The following TTN variants were observed in gnomAD, a reference collection of about 807,000 sequenced individuals.
TTN encodes titin.
A neutral mutation model predicts 3,223.0 loss-of-function variants in TTN; 1,525 were observed. The ratio of observed to expected loss-of-function variants is 0.47; its 90% CI spans 0.45 to 0.49. TTN has a LOEUF of 0.49. TTN is among the 20% of genes least tolerant of loss of function. The pLI is 0.00. For synonymous variants in TTN, 14,094 were observed against 15,161.0 expected (o/e 0.93, Z 5.17); for missense variants, 40,786 against 43,424.0 (o/e 0.94, Z 5.40).
Position 178,574,724 on chromosome 2 carries a change from G to A in TTN, c.71408C>T (p.Ala23803Val), listed in dbSNP as rs1553611543. 4.3e-6 allele frequency: 7 copies of A among 1,613,232 alleles called. No individual in the cohort carries two copies. Among genetic ancestry groups the A allele is most frequent in the Non-Finnish European group, 5.9e-6 (7 of 1,179,506 alleles). ...TGGTCCAACTCCATATCTATTCTGA[G>A]CTTTTACACGGAACTGATACTCTAA... ...TGLEYQFRVK[A>V]QNRYGVGPGI... Residue 23803 changes from alanine (A) to valine (V), a missense_variant, in exon 326 of 363, where the codon GCT becomes GTT. Ala to Val is a moderately conservative substitution (Grantham distance 64). Coordinates refer to ENST00000589042, the MANE Select transcript of TTN (RefSeq NM_001267550.2).
chr2:178,614,392 T>C (rs768602338), intron 261 of TTN, 44 bp from the exon 262 acceptor site: 4 of 1,569,610 alleles, frequency 2.5e-6, no homozygotes, highest in Non-Finnish European at 3.4e-6. Context: ...TTGTTCACCA[T>C]TTTTTTTATT....
Position 178,739,763 on chromosome 2 carries a change from A to C in TTN, c.13470T>G (p.Ala4490=). Residue 4490 remains alanine (A), a synonymous_variant, in exon 48 of 363, where the codon GCT becomes GCG. Transcript: ENST00000589042. ...CTCCTTGCTGAATTCTAGGACCCTC[A>C]GCTGTTAGGATGTCTATTTCCTCAT... The part of the protein sequence containing the change: ...IIYEEIDILT[A]EGPRIQQGAK... The C allele has an allele frequency of 6.2e-7, 1 of 1,613,860 alleles. No homozygotes were observed. Among genetic ancestry groups the C allele is most frequent in the South Asian group, 1.1e-5 (1 of 91,074 alleles).
In TTN at chr2:178,789,900, C is replaced by T. The variant is rs140814500; in HGVS notation, c.1938+78G>A. 30 of 1,578,504 alleles carry T rather than the reference C, an allele frequency of 1.9e-5. 1 individual carries two copies. The South Asian group carries it at 3.0e-4, about 16-fold the overall frequency. On this transcript the variant is annotated intron_variant, in intron 12 of 362. Transcript: ENST00000589042. ...AAAAGGCAAATACAGATTAATAATT[C>T]ATACCATATTGTAGTTAATAGTTTA...
In TTN at chr2:178,738,063, G is replaced by C. The variant is rs763043483; in HGVS notation, c.14371+19C>G. The stretch of plus-strand genomic sequence containing the variant: ...TATGAAATGAAGTGACAACATCTGT[G>C]CCAATGTATGGCATTTACCTGTCAC... On this transcript the variant is annotated intron_variant, in intron 49 of 362. Coordinates refer to ENST00000589042, the MANE Select transcript of TTN (RefSeq NM_001267550.2). 1 of 1,606,286 alleles carries C rather than the reference G, an allele frequency of 6.2e-7. No individual in the cohort carries two copies. The highest frequency in any genetic ancestry group is 1.1e-5 in the South Asian group (1 of 90,384).
chr2:178,641,440 G>A, intron 219 of TTN, 125 bp from the exon 220 acceptor site: 1 of 551,314 alleles, frequency 1.8e-6, no homozygotes, highest in Non-Finnish European at 3.1e-6. Context: ...CTAGCACTCT[G>A]GAAAGTAAGC....
rs202014478 is a variant in TTN at position 178,672,473 on chromosome 2, C to T, written c.34864G>A (p.Val11622Ile). 6,791 of 1,599,106 alleles carry T rather than the reference C, an allele frequency of 4.2e-3. 12 individuals carry two copies. Among genetic ancestry groups the T allele is most frequent in the Non-Finnish European group, 5.3e-3 (6,260 of 1,175,502 alleles). Residue 11622 changes from valine (V) to isoleucine (I), a missense_variant, in exon 154 of 363, where the codon GTA (valine) becomes ATA (isoleucine). Coordinates refer to ENST00000589042, the MANE Select transcript of TTN (RefSeq NM_001267550.2). ...TTCTTTTCTGGGACTTTCTTTGGTA[C>T]TTCAGGCACTTTAAAGATACAGTTT... ...KEAPPAKVPE[V>I]PKKVPEKKVL...
At position 178,689,037 on chromosome 2, in the gene TTN, T is replaced by G; in HGVS notation, c.32095+16A>C. On this transcript the variant is annotated intron_variant, in intron 125 of 362. Coordinates refer to ENST00000589042, the MANE Select transcript of TTN (RefSeq NM_001267550.2). ...TTTTTTTTTTTTTTTTGTCAGAGGATTGAGGCAAATCCTACCTCGGGGAGG... is the reference window on the plus strand; with the variant it reads ...TTTTTTTTTTTTTTTTGTCAGAGGAGTGAGGCAAATCCTACCTCGGGGAGG... The G allele has an allele frequency of 6.4e-7, 1 of 1,556,662 alleles. No individual in the cohort carries two copies. The highest frequency in any genetic ancestry group is 8.8e-7 in the Non-Finnish European group (1 of 1,132,136).
rs747519810 is a variant in TTN, at chr2:178,589,568, A to G, written c.62157T>C (p.His20719=). The change falls in exon 304 of 363, where the codon CAT becomes CAC. Residue 20719 remains histidine, a synonymous_variant. Transcript: ENST00000589042. ...LKGSDDWERV[H]KGSIKETHYM... is the part of the protein sequence containing the mutation. Reference sequence around the variant, plus strand: ...AGTGAGTTTCTTTAATGCTTCCTTTATGCACTCTTTCCCAGTCATCGGAGC... The same window carrying G: ...AGTGAGTTTCTTTAATGCTTCCTTTGTGCACTCTTTCCCAGTCATCGGAGC... 2 of 1,612,946 alleles carry G rather than the reference A, an allele frequency of 1.2e-6. No homozygotes were observed. Among genetic ancestry groups the G allele is most frequent in the East Asian group, 2.2e-5 (1 of 44,698 alleles).
rs768358201 is a variant in TTN at position 178,531,124 on chromosome 2, C to T, written c.105491G>A (p.Arg35164His). The T allele has an allele frequency of 4.2e-5, 67 of 1,613,856 alleles. No homozygotes were observed. Among genetic ancestry groups the T allele is most frequent in the South Asian group, 7.7e-5 (7 of 91,084 alleles). The part of the protein sequence containing the change: ...GEPVPTVTWL[R>H]KGQVLSTSAR... ...AGAAGTACTTAGCACTTGTCCTTTA[C>T]GCAGCCAGGTCACAGTTGGTACCGG... The change falls in exon 358 of 363, where the codon CGT becomes CAT. Residue 35164 changes from arginine to histidine, a missense_variant. Arg to His is a conservative substitution (Grantham distance 29, BLOSUM62 0). Transcript: ENST00000589042.
At position 178,587,968 on chromosome 2, in the gene TTN, C is replaced by T. The variant is rs72646853; in HGVS notation, c.63439G>A (p.Ala21147Thr). ...ENQEYEFRVC[A>T]QNQVGIGRPA... is the part of the protein sequence containing the mutation. ...CGCCCAATACCAACTTGGTTTTGGG[C>T]ACACACCCTGAACTCATATTCCTGG... The change falls in exon 305 of 363, where the codon GCC (alanine) becomes ACC (threonine). Residue 21147 changes from alanine to threonine, a missense_variant. Physicochemically the swap from Ala to Thr is moderately conservative, Grantham distance 58. Transcript: ENST00000589042. 4.2e-4 allele frequency: 677 copies of T among 1,611,354 alleles called. 9 individuals carry two copies. The highest frequency in any genetic ancestry group is 4.0e-3 in the South Asian group (364 of 90,788).
intron 17 of TTN, 83 bp from the exon 18 acceptor site, chr2:178,783,147 A>T: frequency 1.3e-6 from 2 of 1,523,562 alleles, no homozygotes; most frequent in Non-Finnish European, 1.8e-6. Flanking sequence ...TAGAGTTTGA[A>T]CTTATGCATT....
Position 178,575,045 on chromosome 2 carries a change from C to T in TTN, c.71087G>A (p.Cys23696Tyr). The T allele has an allele frequency of 6.2e-7, 1 of 1,613,460 alleles. No homozygotes were observed. Among genetic ancestry groups the T allele is most frequent in the Non-Finnish European group, 8.5e-7 (1 of 1,179,616 alleles). Residue 23696 changes from cysteine (C) to tyrosine (Y), a missense_variant, in exon 326 of 363, where the codon TGT becomes TAT. Transcript: ENST00000589042. This position sits in a 1 kb window ranked among gnomAD's most constrained non-coding sequence, Gnocchi z 4.0. ...ATSTILNINE[C>Y]VRSDSGPYPL... ...ATAGGGCCCACTATCACTTCTGACA[C>T]ACTCATTGATATTTAAAATGGTTGA... is the stretch of plus-strand genomic sequence containing the variant.
intron 47 of TTN, chr2:178,750,990 T>C (rs2085333446): frequency 6.2e-7 from 1 of 1,612,568 alleles, no homozygotes; most frequent in African/African-American, 1.3e-5. Flanking sequence ...CTTATTTCAG[T>C]CTGGAAAATT....
At position 178,735,665 on chromosome 2, in the gene TTN, T is replaced by G. The variant is rs780599464; in HGVS notation, c.14781A>C (p.Lys4927Asn). Residue 4927 changes from lysine (K) to asparagine (N), a missense_variant, in exon 50 of 363, where the codon AAA (lysine) becomes AAC (asparagine). By Grantham distance (94) the Lys-to-Asn change is moderately conservative (BLOSUM62 0). Coordinates refer to ENST00000589042, the MANE Select transcript of TTN (RefSeq NM_001267550.2). ...VTVTWSKDGQ[K>N]LPPGKDYKIC... ...TCTTATAATCTTTCCCTGGGGGGAG[T>G]TTTTGCCCATCTTTGCTCCACGTAA... 6.2e-7 allele frequency: 1 copy of G among 1,613,704 alleles called. No individual in the cohort carries two copies. Among genetic ancestry groups the G allele is most frequent in the East Asian group, 2.2e-5 (1 of 44,832 alleles).
chr2:178,746,042 C>T (rs1392632317), intron 47 of TTN: 4 of 1,613,312 alleles, frequency 2.5e-6, no homozygotes, highest in African/African-American at 1.3e-5. Context: ...CACAGCTCTG[C>T]ACCTGTATGT....
Position 178,564,253 on chromosome 2 carries a change from A to C in TTN, c.81879T>G (p.Phe27293Leu). The change falls in exon 326 of 363, where the codon TTT becomes TTG. Residue 27293 changes from phenylalanine to leucine, a missense_variant. Transcript: ENST00000589042. ...TGCCACGGATGTCGGCTTCAAGAACAAAAGTCTCTCCTGCATGAACAACGA... is the reference window on the plus strand; with the variant it reads ...TGCCACGGATGTCGGCTTCAAGAACCAAAGTCTCTCCTGCATGAACAACGA... Reference protein sequence around the residue: ...DVIVVHAGETFVLEADIRGKP... With the variant: ...DVIVVHAGETLVLEADIRGKP... 6.2e-7 allele frequency: 1 copy of C among 1,613,340 alleles called. No homozygotes were observed. Among genetic ancestry groups the C allele is most frequent in the South Asian group, 1.1e-5 (1 of 91,080 alleles).
At chr2:178,711,445 A>G (rs1230231035) in intron 96 of TTN, 96 bp from the exon 97 acceptor site, 1 of 1,263,748 alleles carries the variant, frequency 7.9e-7, no homozygotes, top group Non-Finnish European at 1.1e-6. Context: ...TGCAATTTCT[A>G]TTAAAAATCA....
intron 91 of TTN, 49 bp downstream of exon 91, chr2:178,714,243 C>T: frequency 1.9e-6 from 3 of 1,594,986 alleles, no homozygotes; most frequent in Non-Finnish European, 2.6e-6. Context: ...AATACAGATC[C>T]TGGTGAGTGT....
chr2:178,721,477 G>A (rs1167175091), intron 78 of TTN, among the ~76,000 whole-genome samples: 1 of 150,388 alleles, frequency 6.6e-6, no homozygotes, highest in Non-Finnish European at 1.5e-5. Flanking sequence ...CTTTTTTTTA[G>A]TTTGACTATG....
Sources: gnomAD v4.1 joint callset for allele counts (sites outside exome capture counted in the v4.1 genomes callset) on GRCh38, gnomAD v4.1.1 for gene constraint, Gnocchi (gnomAD v3.1) non-coding constraint, MANE v1.5 for transcripts, NCBI Gene and HGNC (gene_info 2026-07-23, HGNC 2026-07-21) for gene names.